The following RBM6 variants were observed in gnomAD, a reference collection of about 807,000 sequenced individuals.
The protein encoded by RBM6 is RNA-binding protein 6.
Under a neutral mutation model 140.4 loss-of-function variants are expected in RBM6, and 23 were observed. That is an observed-to-expected ratio of 0.16 (90% CI 0.12 to 0.23). The LOEUF (loss-of-function observed/expected upper bound fraction) is 0.23, where lower values mean the gene tolerates loss of function less well. RBM6 is among the 10% of genes least tolerant of loss of function. The pLI, the probability that RBM6 is intolerant of heterozygous loss-of-function variation, is 1.00. For missense variants in RBM6, 1,139 were observed against 1,386.7 expected (o/e 0.82, Z 2.84); for synonymous variants, 439 against 475.6 (o/e 0.92, Z 1.00).
chr3:50,027,844 A>G (rs1414892833), intron 6 of RBM6, among the ~76,000 whole-genome samples: 2 of 152,188 alleles, frequency 1.3e-5, no homozygotes, highest in Admixed American at 6.6e-5. Flanking sequence ...TCTCTTCGAT[A>G]TATACCAAAG....
intron 5 of RBM6, among the ~76,000 whole-genome samples, chr3:49,981,184 G>A (rs2108672959): frequency 6.6e-6 from 1 of 152,304 alleles, no homozygotes; most frequent in African/African-American, 2.4e-5. Context: ...ACAGGCATGA[G>A]CCACTGCGTC....
chr3:50,008,646 C>T (rs1219411555), intron 6 of RBM6, among the ~76,000 whole-genome samples: 5 of 150,084 alleles, frequency 3.3e-5, no homozygotes, highest in Non-Finnish European at 5.9e-5. Context: ...CTCCACCTCC[C>T]GGGTTAAAGC....
chr3:50,062,300 C>T (rs1271581194), intron 15 of RBM6, among the ~76,000 whole-genome samples, 192 bp downstream of exon 15: 1 of 151,948 alleles, frequency 6.6e-6, no homozygotes, highest in Non-Finnish European at 1.5e-5. Context: ...GTCAGGAGAT[C>T]GAGACCATCC....
At chr3:50,042,741 C>G (rs12631248) in intron 6 of RBM6, among the ~76,000 whole-genome samples, 11,996 of 151,744 alleles carry the variant, frequency 0.079, 523 homozygotes, top group African/African-American at 0.11. Flanking sequence ...AAGCGAGACC[C>G]TGTCTTTTTT....
At chr3:50,043,140 C>G (rs2089020563) in intron 6 of RBM6, among the ~76,000 whole-genome samples, 1 of 152,180 alleles carries the variant, frequency 6.6e-6, no homozygotes, top group Non-Finnish European at 1.5e-5. Flanking sequence ...TAAGCCTAAT[C>G]TAACACTGCT....
At chr3:49,988,957 A>G (rs2085690224) in intron 5 of RBM6, among the ~76,000 whole-genome samples, 1 of 64,000 alleles carries the variant, frequency 1.6e-5, no homozygotes, top group Non-Finnish European at 4.7e-5. Context: ...AAAAAAAAGA[A>G]AAAAAAATCT....
Position 49,954,025 on chromosome 3 carries a change from A to G in RBM6, c.-66-8551A>G, listed in dbSNP as rs1437683798. ...GTAGTGCACATTTGTAGTCCCAGCT[A>G]CTCAGGAGGCTGAGGTGGGAGGATG... On this transcript the variant is annotated intron_variant, in intron 1 of 20. Coordinates refer to ENST00000266022, the MANE Select transcript of RBM6 (RefSeq NM_005777.3). 2.0e-5 allele frequency among the ~76,000 whole-genome samples: 3 copies of G among 151,940 alleles called. No individual in the cohort carries two copies. The East Asian group carries it at 5.8e-4, about 29-fold the overall frequency.
At chr3:49,972,492 G>A (rs953253877) in intron 4 of RBM6, among the ~76,000 whole-genome samples, 1 of 152,176 alleles carries the variant, frequency 6.6e-6, no homozygotes, top group Admixed American at 6.5e-5. Flanking sequence ...ACATAAGGAT[G>A]CAGTTTATTT....
chr3:50,028,486 C>T (rs144044629), intron 6 of RBM6, among the ~76,000 whole-genome samples: 128 of 152,276 alleles, frequency 8.4e-4, no homozygotes, highest in Non-Finnish European at 1.6e-3. Flanking sequence ...TTAGTTTAGG[C>T]ACTTTTCCTA....
chr3:50,020,163 G>A (rs2087405044), intron 6 of RBM6, among the ~76,000 whole-genome samples: 1 of 152,070 alleles, frequency 6.6e-6, no homozygotes, highest in Admixed American at 6.6e-5. Context: ...GCGGGCTCAA[G>A]CAGTCTTCAC....
At chr3:49,954,628 A>G (rs1297783714) in intron 1 of RBM6, among the ~76,000 whole-genome samples, 1 of 151,932 alleles carries the variant, frequency 6.6e-6, no homozygotes, top group Non-Finnish European at 1.5e-5. Flanking sequence ...TGTCTATACT[A>G]TGTCAGTGCC....
intron 6 of RBM6, among the ~76,000 whole-genome samples, chr3:50,003,199 A>G (rs555504262): frequency 4.0e-5 from 6 of 151,622 alleles, no homozygotes; most frequent in South Asian, 2.1e-4. Context: ...GCCGGGCACT[A>G]TGGCTCAAGC....
intron 15 of RBM6, among the ~76,000 whole-genome samples, chr3:50,063,775 C>T (rs1480017743): frequency 1.3e-5 from 2 of 151,840 alleles, no homozygotes; most frequent in Admixed American, 1.3e-4. Flanking sequence ...GTGGCGCAAG[C>T]CTGTAGTCCC....
chr3:50,036,986 A>G (rs970910141), intron 6 of RBM6, among the ~76,000 whole-genome samples: 3 of 151,852 alleles, frequency 2.0e-5, no homozygotes, highest in East Asian at 1.9e-4. Context: ...GGGCTTCACC[A>G]TGTTGGCCAG....
At chr3:50,039,743 G>A (rs575475385) in intron 6 of RBM6, among the ~76,000 whole-genome samples, 6 of 152,226 alleles carry the variant, frequency 3.9e-5, no homozygotes, top group East Asian at 1.9e-4. Flanking sequence ...AGCAATCTAC[G>A]GAGATTCTGT....
intron 6 of RBM6, among the ~76,000 whole-genome samples, chr3:50,036,948 A>AT (rs897532541): frequency 1.8e-4 from 27 of 150,328 alleles, no homozygotes; most frequent in East Asian, 9.8e-4. Context: ...TGCCCAGCTA[A>AT]TTTTTTTTTT....
At chr3:50,012,899 C>G (rs764384352) in intron 6 of RBM6, among the ~76,000 whole-genome samples, 13 of 151,970 alleles carry the variant, frequency 8.6e-5, no homozygotes, top group Non-Finnish European at 1.8e-4. Context: ...TGCGCCACCA[C>G]GCCTGGCTAA....
At chr3:50,024,050 A>G (rs1270303072) in intron 6 of RBM6, among the ~76,000 whole-genome samples, 1 of 152,218 alleles carries the variant, frequency 6.6e-6, no homozygotes, top group African/African-American at 2.4e-5. Context: ...GTGGCTTAAG[A>G]TAAACTTCCC....
chr3:50,070,479 G>A lies in RBM6; in HGVS notation c.3043G>A (p.Asp1015Asn). 7 of 1,613,996 alleles carry A rather than the reference G, an allele frequency of 4.3e-6. No individual in the cohort carries two copies. Among genetic ancestry groups the A allele is most frequent in the Non-Finnish European group, 5.9e-6 (7 of 1,179,910 alleles). ...GGGAAAGTTTAAAGGAAGAGGAAAT[G>A]ATCGCAGGGAAAAGCTCCAGTCTTT... is the stretch of plus-strand genomic sequence containing the variant. ...REGKFKGRGNDRREKLQSFDS... is the reference protein window; with the variant it reads ...REGKFKGRGNNRREKLQSFDS... The change falls in exon 19 of 21, where the codon GAT (aspartate) becomes AAT (asparagine). Residue 1015 changes from aspartate to asparagine, a missense_variant. By Grantham distance (23) the Asp-to-Asn change is conservative (BLOSUM62 1). Around this residue, in one of 9 missense-constraint regions of RBM6, gnomAD observed 125 missense variants for 142.0 expected, o/e 0.88. Coordinates refer to ENST00000266022, the MANE Select transcript of RBM6 (RefSeq NM_005777.3).
Sources: allele counts gnomAD v4.1 joint callset (sites outside exome capture counted in the v4.1 genomes callset), GRCh38; gene constraint gnomAD v4.1.1; regional missense constraint gnomAD v4.1.1; transcripts MANE v1.5; gene names NCBI Gene and HGNC (gene_info 2026-07-23, HGNC 2026-07-21).